KSR1: variants seen among roughly 807,000 people sequenced by gnomAD.
KSR1 encodes kinase suppressor of ras 1, also known as kinase suppressor of ras.
KSR1 carries 35 observed loss-of-function variants against 92.9 expected under a neutral mutation model. The ratio of observed to expected loss-of-function variants is 0.38; its 90% CI spans 0.29 to 0.50. KSR1 has a LOEUF of 0.50. KSR1 is among the 20% of genes least tolerant of loss of function. The pLI, the probability that KSR1 is intolerant of heterozygous loss-of-function variation, is 0.94. For synonymous variants in KSR1, 467 were observed against 472.6 expected, an observed-to-expected ratio of 0.99 and a Z score of 0.15; for missense variants, 972 against 1,158.5, an observed-to-expected ratio of 0.84 and a Z score of 2.34.
At chr17:27,592,709 G>A in intron 9 of KSR1, 83 bp downstream of exon 9, 6 of 1,157,970 alleles carry the variant, frequency 5.2e-6, no homozygotes, top group South Asian at 3.0e-5. Flanking sequence ...GAGGCTCAGT[G>A]GGGAAGTTTG....
At chr17:27,565,271 A>C (rs2072018155) in intron 2 of KSR1, among the ~76,000 whole-genome samples, 1 of 152,068 alleles carries the variant, frequency 6.6e-6, no homozygotes, top group African/African-American at 2.4e-5. Context: ...TTTATTTATG[A>C]ATTTATGCTG....
At chr17:27,488,970 A>AAT (rs1567756474) in intron 1 of KSR1, among the ~76,000 whole-genome samples, 22 of 152,248 alleles carry the variant, frequency 1.4e-4, no homozygotes, top group African/African-American at 5.3e-4. Flanking sequence ...CTCAAAAAAA[A>AAT]TTTTTTTTTA....
At chr17:27,468,238 A>T (rs73270195) in intron 1 of KSR1, among the ~76,000 whole-genome samples, 9,744 of 143,452 alleles carry the variant, frequency 0.068, 417 homozygotes, top group South Asian at 0.17. Flanking sequence ...GTGGCCAATT[A>T]TTTTTTTTTT....
rs1006817880 is a variant in KSR1, at chr17:27,610,325, T to C, written c.2357+127T>C. 33 of 1,307,892 alleles carry C rather than the reference T, an allele frequency of 2.5e-5. No individual in the cohort carries two copies. The African/African-American group carries it at 4.0e-4, about 16-fold the overall frequency. The allele number at this position is 1,307,892 out of a possible 1,614,324, so 81.0% of individuals were successfully genotyped here. On this transcript the variant is annotated intron_variant, in intron 17 of 20. Transcript: ENST00000644974. ...CAGGCTCTGGAGTAAAAAATCAACC[T>C]TGAGTCCTGGCTCTGCCGCTTGTTG...
intron 1 of KSR1, among the ~76,000 whole-genome samples, chr17:27,495,297 A>G (rs1400236998): frequency 6.6e-6 from 1 of 152,094 alleles, no homozygotes; most frequent in African/African-American, 2.4e-5. Flanking sequence ...CTTGTCCAAC[A>G]TCTTGGGAGG....
intron 1 of KSR1, among the ~76,000 whole-genome samples, chr17:27,513,094 C>G (rs1271300329): frequency 1.3e-5 from 2 of 152,152 alleles, no homozygotes; most frequent in African/African-American, 4.8e-5. Context: ...GAACTTCCTA[C>G]AAGGATAATC....
At chr17:27,517,263 C>G (rs1166561034) in intron 1 of KSR1, among the ~76,000 whole-genome samples, 1 of 152,234 alleles carries the variant, frequency 6.6e-6, no homozygotes, top group African/African-American at 2.4e-5. Flanking sequence ...TCCACAACCC[C>G]TTATCTTAAC....
At position 27,626,206 on chromosome 17, in the gene KSR1, C is replaced by T. The variant is rs2074336769; in HGVS notation, c.*2814C>T. On this transcript the variant is annotated 3_prime_UTR_variant, in exon 21 of 21. Transcript: ENST00000644974. ...GTGCAAACCTAGCATCTTCTGTGGC[C>T]ACAAGCCACACACTTGCTTTTTTTG... The T allele has an allele frequency of 6.6e-6, 1 of 152,206 alleles. No homozygotes were observed. Among genetic ancestry groups the T allele is most frequent in the Non-Finnish European group, 1.5e-5 (1 of 68,044 alleles). The allele number at this position is 152,206 out of a possible 1,614,324, so 9.4% of individuals were successfully genotyped here.
intron 1 of KSR1, among the ~76,000 whole-genome samples, chr17:27,542,963 C>T (rs1022222443): frequency 1.3e-5 from 2 of 152,156 alleles, no homozygotes; most frequent in Admixed American, 1.3e-4. Context: ...CCAAGCTTCT[C>T]GCAGAGGAGA....
At chr17:27,525,919 A>G (rs1044090996) in intron 1 of KSR1, among the ~76,000 whole-genome samples, 1 of 152,180 alleles carries the variant, frequency 6.6e-6, no homozygotes, top group Admixed American at 6.5e-5. Context: ...GCCCTTTCCA[A>G]TTTGGAACAG....
chr17:27,593,073 A>G (rs147156157), intron 9 of KSR1, among the ~76,000 whole-genome samples: 116 of 152,346 alleles, frequency 7.6e-4, no homozygotes, highest in Non-Finnish European at 1.4e-3. Context: ...TCAGTTGTTC[A>G]TTAAAGCAAT....
intron 1 of KSR1, among the ~76,000 whole-genome samples, chr17:27,467,621 G>A (rs1241931652): frequency 6.6e-6 from 1 of 152,098 alleles, no homozygotes; most frequent in African/African-American, 2.4e-5. Context: ...ACAGTGAGGG[G>A]AAGAAAAAAC....
intron 19 of KSR1, among the ~76,000 whole-genome samples, chr17:27,618,672 T>C (rs2074130481): frequency 6.6e-6 from 1 of 152,238 alleles, no homozygotes; most frequent in Admixed American, 6.5e-5. Flanking sequence ...TAAGACTTAA[T>C]GCTGGAAACT....
chr17:27,607,903 A>G lies in KSR1; in HGVS notation c.1995-11A>G. On this transcript the variant is annotated splice_polypyrimidine_tract_variant and intron_variant, in intron 14 of 20. Coordinates refer to ENST00000644974, the MANE Select transcript of KSR1 (RefSeq NM_001394583.1). The stretch of plus-strand genomic sequence containing the variant: ...CCCAGACTTGTGCTTGACCCCCACC[A>G]CCCTCGACAGCTTCTGCAAGGGGCG... The G allele has an allele frequency of 1.9e-6, 3 of 1,591,584 alleles. No homozygotes were observed. Among genetic ancestry groups the G allele is most frequent in the Non-Finnish European group, 2.6e-6 (3 of 1,168,292 alleles).
At chr17:27,615,462 G>A (rs916393756) in intron 18 of KSR1, among the ~76,000 whole-genome samples, 1 of 152,234 alleles carries the variant, frequency 6.6e-6, no homozygotes, top group Non-Finnish European at 1.5e-5. Flanking sequence ...TTCTTGTGCA[G>A]TTTAGGTTTT....
intron 5 of KSR1, chr17:27,585,949 T>TAATGAGA: frequency 1.1e-5 from 4 of 359,768 alleles, no homozygotes; most frequent in Non-Finnish European, 1.5e-5. Context: ...ACCTTGCCCT[T>TAATGAGA]CCCCACCGAG....
chr17:27,586,904 G>A lies in KSR1; in HGVS notation c.985+1243G>A, dbSNP rs925402178. Reference sequence around the variant, plus strand: ...ATTTTTTCTTTTGAGACGAAATCTCGCTCTATCACCCAGGCTGAAGTGCAG... The same window carrying A: ...ATTTTTTCTTTTGAGACGAAATCTCACTCTATCACCCAGGCTGAAGTGCAG... On this transcript the variant is annotated intron_variant, in intron 5 of 20. Coordinates refer to ENST00000644974, the MANE Select transcript of KSR1 (RefSeq NM_001394583.1). Among the ~76,000 whole-genome samples the A allele has an allele frequency of 3.9e-5, 6 of 152,190 alleles. No homozygotes were observed. The South Asian group carries it at 6.2e-4, about 16-fold the overall frequency.
chr17:27,606,645 C>T (rs1487304536), intron 14 of KSR1, among the ~76,000 whole-genome samples: 1 of 152,100 alleles, frequency 6.6e-6, no homozygotes, highest in African/African-American at 2.4e-5. Context: ...ACATCCATCA[C>T]TTCCTGTGGT....
chr17:27,522,420 G>A (rs945905680), intron 1 of KSR1, among the ~76,000 whole-genome samples: 2 of 152,196 alleles, frequency 1.3e-5, no homozygotes, highest in Non-Finnish European at 2.9e-5. Flanking sequence ...ACATGTCACA[G>A]CTGGAATCTG....
Sources: gnomAD v4.1 joint callset for allele counts (sites outside exome capture counted in the v4.1 genomes callset) on GRCh38, gnomAD v4.1.1 for gene constraint, MANE v1.5 for transcripts, NCBI Gene and HGNC (gene_info 2026-07-23, HGNC 2026-07-21) for gene names.